The following RYK variants were observed in gnomAD, a reference collection of about 807,000 sequenced individuals.
RYK encodes the protein receptor like tyrosine kinase.
A neutral mutation model predicts 70.2 loss-of-function variants in RYK; 21 were observed. The observed-to-expected ratio is 0.30, with a 90% CI of 0.21 to 0.43. The LOEUF (loss-of-function observed/expected upper bound fraction) is 0.43. Ranked by LOEUF, RYK falls within the 20% of genes least tolerant of loss-of-function variation. The probability of loss-of-function intolerance (pLI) is 1.00; values close to 1 mark genes in which losing one functional copy is unlikely to be tolerated. For synonymous variants in RYK, 267 were observed against 278.0 expected (o/e 0.96, Z 0.39); for missense variants, 604 against 753.3 (o/e 0.80, Z 2.32).
At chr3:134,184,859 A>C (rs905559476) in intron 9 of RYK, among the ~76,000 whole-genome samples, 4 of 151,442 alleles carry the variant, frequency 2.6e-5, no homozygotes. Context: ...ATTCTTAAAA[A>C]CCCTTTCAAA....
At chr3:134,199,615 T>C (rs942232867) in intron 6 of RYK, among the ~76,000 whole-genome samples, 3 of 152,192 alleles carry the variant, frequency 2.0e-5, no homozygotes, top group Non-Finnish European at 2.9e-5. Context: ...GTAATCCCAG[T>C]GGCCCCTATG....
At chr3:134,209,882 A>G in intron 3 of RYK, 53 bp from the exon 4 acceptor site, 3 of 1,197,602 alleles carry the variant, frequency 2.5e-6, no homozygotes, top group Non-Finnish European at 3.4e-6. Context: ...ATCAACATTA[A>G]TGCCCCAAAA....
chr3:134,203,049 T>A (rs796846043), intron 5 of RYK, among the ~76,000 whole-genome samples, 175 bp from the exon 6 acceptor site: 1 of 152,038 alleles, frequency 6.6e-6, no homozygotes, highest in Non-Finnish European at 1.5e-5. Context: ...TGTTGTAGTT[T>A]AAAAAAAATA....
At chr3:134,160,722 G>GT (rs1413899039) in intron 13 of RYK, among the ~76,000 whole-genome samples, 2 of 152,290 alleles carry the variant, frequency 1.3e-5, no homozygotes, top group South Asian at 2.1e-4. Context: ...GGGCATGGTG[G>GT]CGCATGCCTG....
chr3:134,183,127 A>G, intron 9 of RYK, 56 bp from the exon 10 acceptor site: 2 of 994,162 alleles, frequency 2.0e-6, no homozygotes, highest in Non-Finnish European at 3.0e-6. Flanking sequence ...TATGGCATTA[A>G]CATTTTCTGC....
At chr3:134,217,664 T>C (rs2014601476) in intron 2 of RYK, among the ~76,000 whole-genome samples, 1 of 152,190 alleles carries the variant, frequency 6.6e-6, no homozygotes, top group Admixed American at 6.5e-5. Flanking sequence ...TATACATATA[T>C]GCATGGAAGC....
intron 11 of RYK, 47 bp downstream of exon 11, chr3:134,177,894 T>A (rs1409140824): frequency 1.3e-6 from 2 of 1,523,814 alleles, no homozygotes; most frequent in Non-Finnish European, 1.8e-6. Context: ...AAAGACATTA[T>A]CAGAAACTAC....
intron 13 of RYK, among the ~76,000 whole-genome samples, chr3:134,174,519 T>G (rs2013030332): frequency 6.6e-6 from 1 of 152,196 alleles, no homozygotes; most frequent in Admixed American, 6.5e-5. Flanking sequence ...AGTTGAAGCT[T>G]AGAAGCAAAT....
chr3:134,165,536 T>C (rs890648802), intron 13 of RYK, among the ~76,000 whole-genome samples: 1 of 152,222 alleles, frequency 6.6e-6, no homozygotes, highest in Admixed American at 6.5e-5. Context: ...CAGAGGGACA[T>C]GCCTCCTCTT....
At chr3:134,249,455 G>A (rs2015549058) in intron 1 of RYK, among the ~76,000 whole-genome samples, 1 of 152,118 alleles carries the variant, frequency 6.6e-6, no homozygotes, top group Non-Finnish European at 1.5e-5. Flanking sequence ...ACCACCTTCA[G>A]ATGAAATAAA....
intron 1 of RYK, among the ~76,000 whole-genome samples, chr3:134,245,572 G>C (rs1007413613): frequency 7.2e-5 from 11 of 152,142 alleles, no homozygotes; most frequent in African/African-American, 2.4e-4. Flanking sequence ...CCTAGACAAG[G>C]GGGGAGCCAC....
At chr3:134,194,126 T>C (rs950558951) in intron 7 of RYK, among the ~76,000 whole-genome samples, 4 of 152,210 alleles carry the variant, frequency 2.6e-5, no homozygotes, top group Admixed American at 6.5e-5. Context: ...AATTATATAA[T>C]TTCTTCCACA....
intron 8 of RYK, among the ~76,000 whole-genome samples, chr3:134,191,572 T>G (rs1475589565): frequency 6.6e-6 from 1 of 152,184 alleles, no homozygotes; most frequent in East Asian, 1.9e-4. Context: ...GTGGCCATTT[T>G]AAATAAAAAC....
chr3:134,185,146 T>G (rs200089313), intron 9 of RYK, among the ~76,000 whole-genome samples: 1 of 43,802 alleles, frequency 2.3e-5, no homozygotes, highest in African/African-American at 6.5e-5. Context: ...AATTAATTAA[T>G]TAATTAAATA....
intron 1 of RYK, among the ~76,000 whole-genome samples, chr3:134,231,121 C>G (rs1051577381): frequency 6.7e-6 from 1 of 148,696 alleles, no homozygotes; most frequent in Non-Finnish European, 1.5e-5. Flanking sequence ...GTATCAAGAG[C>G]ATCTAGGAGT....
chr3:134,188,737 A>G, intron 9 of RYK, 100 bp downstream of exon 9: 1 of 677,752 alleles, frequency 1.5e-6, no homozygotes, highest in South Asian at 1.9e-5. Context: ...ACTGATTTAA[A>G]AGGTCTGGCA....
rs1278637275 is a variant in RYK, at chr3:134,188,165, A to ATTT, written c.1102+671_1102+672insAAA. 4.0e-3 allele frequency among the ~76,000 whole-genome samples: 394 copies of ATTT among 98,884 alleles called. 10 individuals are homozygous for ATTT. The East Asian group carries it at 0.062, about 16-fold the overall frequency. The allele number at this position is 98,884 out of a possible 152,430, so 64.9% of individuals were successfully genotyped here. A position where few individuals can be genotyped will look rare whatever the true frequency, so the allele number is the denominator to read the frequency against. On this transcript the variant is annotated intron_variant, in intron 9 of 14. Coordinates refer to ENST00000623711, the MANE Select transcript of RYK (RefSeq NM_002958.4). ...ACAATCTAACAATATATATATATAT[A>ATTT]TATTTTTTTTTTTTTTTGAGACAGA...
At chr3:134,234,332 A>G (rs981543413) in intron 1 of RYK, among the ~76,000 whole-genome samples, 5 of 152,180 alleles carry the variant, frequency 3.3e-5, no homozygotes, top group Non-Finnish European at 7.4e-5. Context: ...CAGTAATGAT[A>G]AATTATTAAT....
intron 13 of RYK, among the ~76,000 whole-genome samples, chr3:134,168,545 C>T (rs556723390): frequency 1.4e-3 from 206 of 145,204 alleles, no homozygotes; most frequent in African/African-American, 4.6e-3. Context: ...ACCGCATGTT[C>T]ACACTCATAG....
Sources: gnomAD v4.1 joint callset for allele counts (sites outside exome capture counted in the v4.1 genomes callset) on GRCh38, gnomAD v4.1.1 for gene constraint, MANE v1.5 for transcripts, NCBI Gene and HGNC (gene_info 2026-07-23, HGNC 2026-07-21) for gene names.